The following C21orf91 variants were observed in gnomAD, a reference collection of about 807,000 sequenced individuals.
The protein encoded by C21orf91 is chromosome 21 open reading frame 91.
In C21orf91, 26 loss-of-function variants were observed where a neutral mutation model predicts 32.9. The observed-to-expected ratio is 0.79, with a 90% CI of 0.58 to 1.10. The LOEUF (loss-of-function observed/expected upper bound fraction) is 1.10. Among genes scored for constraint, C21orf91 ranks in the 50% least tolerant of loss-of-function variants. The pLI is 0.00. For synonymous variants in C21orf91, 126 were observed against 120.4 expected, an observed-to-expected ratio of 1.05 and a Z score of -0.31; for missense variants, 310 against 341.3, an observed-to-expected ratio of 0.91 and a Z score of 0.72.
intron 2 of C21orf91, among the ~76,000 whole-genome samples, chr21:17,812,832 C>CA (rs1048948492): frequency 2.0e-5 from 3 of 151,344 alleles, no homozygotes; most frequent in Admixed American, 2.0e-4. Flanking sequence ...AAAAAACAAA[C>CA]AAAAAAAATC....
intron 2 of C21orf91, 123 bp downstream of exon 2, chr21:17,818,069 C>G: frequency 1.6e-6 from 1 of 613,726 alleles, no homozygotes; most frequent in South Asian, 2.9e-5. Flanking sequence ...TAACAAATCT[C>G]TACACTATTC....
At chr21:17,814,738 T>G (rs1013927915) in intron 2 of C21orf91, among the ~76,000 whole-genome samples, 5 of 152,186 alleles carry the variant, frequency 3.3e-5, no homozygotes, top group Non-Finnish European at 7.3e-5. Flanking sequence ...GAGGGGATGG[T>G]GCTAACCCAT....
rs904831489 is a variant in C21orf91, at chr21:17,801,274, GT to G, written c.128-4157del. Among the ~76,000 whole-genome samples the G allele has an allele frequency of 3.0e-3, 415 of 140,246 alleles. 1 individual carries two copies. Among genetic ancestry groups the G allele is most frequent in the South Asian group, 0.015 (67 of 4,386 alleles). 92.0% of individuals were successfully genotyped at this position (140,246 alleles called of 152,430 possible). A position where few individuals can be genotyped will look rare whatever the true frequency, so the allele number is the denominator to read the frequency against. ...AGGAACAGAAAACCAAACACCGTAT[GT>G]TTTTTTTTTTTTTTAGACGGAGTCT... is the stretch of plus-strand genomic sequence containing the variant. On this transcript the variant is annotated intron_variant, in intron 2 of 4. Coordinates refer to ENST00000284881, the MANE Select transcript of C21orf91 (RefSeq NM_001100420.2).
intron 2 of C21orf91, among the ~76,000 whole-genome samples, chr21:17,805,438 C>T (rs768248248): frequency 2.0e-5 from 3 of 152,238 alleles, no homozygotes; most frequent in South Asian, 4.1e-4. Context: ...CTCAGCCTCC[C>T]GGGTAGCCAG....
At chr21:17,812,156 A>G (rs370899585) in intron 2 of C21orf91, among the ~76,000 whole-genome samples, 2 of 152,292 alleles carry the variant, frequency 1.3e-5, no homozygotes, top group Non-Finnish European at 2.9e-5. Flanking sequence ...CCTAGTTTCA[A>G]TGATTTTTCT....
chr21:17,795,067 CTT>C, intron 4 of C21orf91, 139 bp downstream of exon 4: 1 of 576,082 alleles, frequency 1.7e-6, no homozygotes, highest in South Asian at 1.8e-5. Context: ...CTTTCTTATT[CTT>C]TTTGCTCTGG....
chr21:17,812,795 C>A (rs187098064), intron 2 of C21orf91, among the ~76,000 whole-genome samples: 1 of 150,856 alleles, frequency 6.6e-6, no homozygotes, highest in Non-Finnish European at 1.5e-5. Context: ...GGTGACAGAG[C>A]GAGACTCCAT....
chr21:17,801,560 G>A (rs1485183140), intron 2 of C21orf91, among the ~76,000 whole-genome samples: 3 of 151,990 alleles, frequency 2.0e-5, no homozygotes, highest in Non-Finnish European at 4.4e-5. Context: ...TTGAGCCACC[G>A]TGCCCGGCCC....
rs564812483 is a variant in C21orf91, at chr21:17,804,073, G to A, written c.128-6955C>T. 2.6e-5 allele frequency among the ~76,000 whole-genome samples: 4 copies of A among 152,266 alleles called. No individual in the cohort carries two copies. In the South Asian group the frequency reaches 6.2e-4, roughly 24 times the overall value. On this transcript the variant is annotated intron_variant, in intron 2 of 4. Transcript: ENST00000284881. Reference sequence around the variant, plus strand: ...TGTCCGGTCACCTGTACTGTACTGAGACTAGGCTGGATTGCTGCAGTGTAA... The same window carrying A: ...TGTCCGGTCACCTGTACTGTACTGAAACTAGGCTGGATTGCTGCAGTGTAA...
intron 2 of C21orf91, among the ~76,000 whole-genome samples, chr21:17,809,914 C>CA (rs1174125485): frequency 6.6e-6 from 1 of 152,098 alleles, no homozygotes; most frequent in Non-Finnish European, 1.5e-5. Context: ...TTGTACAACT[C>CA]AGACAGTAAC....
chr21:17,800,320 T>C (rs1025629005), intron 2 of C21orf91, among the ~76,000 whole-genome samples: 2 of 152,198 alleles, frequency 1.3e-5, no homozygotes, highest in South Asian at 2.1e-4. Context: ...AGCAGTAGCA[T>C]AGGAAACAAA....
intron 2 of C21orf91, chr21:17,810,806 C>T (rs534136326): frequency 6.6e-6 from 1 of 152,300 alleles, no homozygotes; most frequent in South Asian, 2.1e-4. Flanking sequence ...CCTCCCATCT[C>T]TCTGATTAAC....
intron 2 of C21orf91, among the ~76,000 whole-genome samples, chr21:17,816,554 C>G (rs1406442457): frequency 6.6e-6 from 1 of 152,172 alleles, no homozygotes; most frequent in Non-Finnish European, 1.5e-5. Flanking sequence ...ATACTAGAAC[C>G]AGACTGCCAG....
At chr21:17,818,121 T>C (rs1385645855) in intron 2 of C21orf91, 71 bp downstream of exon 2, 4 of 1,121,744 alleles carry the variant, frequency 3.6e-6, no homozygotes, top group Non-Finnish European at 5.1e-6. Flanking sequence ...ATTTTAGTTT[T>C]ACCTTACAAT....
In C21orf91 at chr21:17,796,874, C is replaced by A. The variant is rs1189421928; in HGVS notation, c.372G>T (p.Arg124Ser). The A allele has an allele frequency of 1.9e-6, 3 of 1,613,924 alleles. No individual in the cohort carries two copies. Among genetic ancestry groups the A allele is most frequent in the Non-Finnish European group, 2.5e-6 (3 of 1,179,942 alleles). Residue 124 changes from arginine to serine, a missense_variant, in exon 3 of 5, where the codon AGG becomes AGT. Transcript: ENST00000284881. Reference sequence around the variant, plus strand: ...GGAGTAATTTTTCTTCTGGCTTATGCCTGAAATTAAACAGATGATGCTGGG... The same window carrying A: ...GGAGTAATTTTTCTTCTGGCTTATGACTGAAATTAAACAGATGATGCTGGG... The part of the protein sequence containing the change: ...KNPQHHLFNF[R>S]HKPEEKLLPQ...
chr21:17,813,341 T>A (rs892940253), intron 2 of C21orf91, among the ~76,000 whole-genome samples: 2 of 152,222 alleles, frequency 1.3e-5, no homozygotes, highest in Non-Finnish European at 2.9e-5. Context: ...AATTGGTCCC[T>A]GACTACTGAC....
intron 2 of C21orf91, among the ~76,000 whole-genome samples, chr21:17,807,829 C>G (rs888346853): frequency 1.1e-4 from 17 of 152,144 alleles, no homozygotes; most frequent in Non-Finnish European, 4.4e-5. Context: ...AATTTCTAAG[C>G]AGTAAAGTGT....
intron 2 of C21orf91, among the ~76,000 whole-genome samples, chr21:17,806,992 A>G (rs2146257441): frequency 6.6e-6 from 1 of 152,368 alleles, no homozygotes; most frequent in East Asian, 1.9e-4. Context: ...TCTATGACTG[A>G]TATTTATCCA....
chr21:17,799,687 T>A (rs1568750998), intron 2 of C21orf91, among the ~76,000 whole-genome samples: 1 of 152,120 alleles, frequency 6.6e-6, no homozygotes. Context: ...GGTTAGTTTA[T>A]CACACTAGAT....
Sources: allele counts gnomAD v4.1 joint callset (sites outside exome capture counted in the v4.1 genomes callset), GRCh38; gene constraint gnomAD v4.1.1; transcripts MANE v1.5; gene names NCBI Gene and HGNC (gene_info 2026-07-23, HGNC 2026-07-21).